Variants in RABGAP1 observed in about 807,000 individuals in gnomAD.
RABGAP1 encodes RAB GTPase activating protein 1.
In RABGAP1, 23 loss-of-function variants were observed where a neutral mutation model predicts 137.6. The observed-to-expected ratio is 0.17, with a 90% confidence interval of 0.12 to 0.24. The LOEUF is 0.24. RABGAP1 is among the 10% of genes least tolerant of loss of function. The pLI is 1.00. For synonymous variants in RABGAP1, 451 were observed against 450.7 expected (o/e 1.00, Z -0.01); for missense variants, 906 against 1,275.8 (o/e 0.71, Z 4.42).
intron 13 of RABGAP1, among the ~76,000 whole-genome samples, chr9:123,023,655 C>T (rs554681388): frequency 1.1e-4 from 16 of 152,160 alleles, no homozygotes; most frequent in African/African-American, 1.9e-4. Context: ...AAAATATATT[C>T]GGCTATTACA....
intron 10 of RABGAP1, among the ~76,000 whole-genome samples, chr9:123,004,294 G>A (rs1302554171): frequency 2.0e-5 from 3 of 151,980 alleles, no homozygotes; most frequent in African/African-American, 7.2e-5. Context: ...TCTCAACAAC[G>A]TCTTTTTTGT....
chr9:123,080,761 A>T, intron 19 of RABGAP1, among the ~76,000 whole-genome samples: 1 of 152,066 alleles, frequency 6.6e-6, no homozygotes. Context: ...GAACTTTTTC[A>T]TGTGGAATTT....
intron 16 of RABGAP1, 73 bp downstream of exon 16, chr9:123,073,750 G>A (rs781249406): frequency 4.0e-4 from 633 of 1,586,056 alleles, no homozygotes; most frequent in South Asian, 9.5e-4. Context: ...AGGAAATGGT[G>A]CCAGGGAGCA....
chr9:122,993,825 G>C (rs1836873345), intron 6 of RABGAP1, among the ~76,000 whole-genome samples: 1 of 151,856 alleles, frequency 6.6e-6, no homozygotes, highest in Admixed American at 6.6e-5. Flanking sequence ...TGCCACGCCC[G>C]GCTAATTTTT....
At chr9:123,018,973 T>C (rs552700081) in intron 12 of RABGAP1, among the ~76,000 whole-genome samples, 3 of 152,340 alleles carry the variant, frequency 2.0e-5, no homozygotes, top group African/African-American at 7.2e-5. Context: ...ATTTGAGGAC[T>C]ACCTCAGTCA....
chr9:123,018,985 T>C (rs554881904), intron 12 of RABGAP1, among the ~76,000 whole-genome samples: 21 of 152,322 alleles, frequency 1.4e-4, no homozygotes, highest in Non-Finnish European at 2.8e-4. Flanking sequence ...CCTCAGTCAT[T>C]TAATTGACTT....
chr9:123,100,420 TGTGTGTGTGTGTG>T (rs2035309873), intron 24 of RABGAP1, among the ~76,000 whole-genome samples: 1 of 151,034 alleles, frequency 6.6e-6, no homozygotes, highest in South Asian at 2.1e-4. Flanking sequence ...TGTGTGTGTG[TGTGTGTGTGTGTG>T]TGTGTTTGAG....
intron 9 of RABGAP1, 123 bp downstream of exon 9, chr9:122,997,484 A>C: frequency 1.7e-6 from 1 of 575,312 alleles, no homozygotes. Context: ...GAAGAATTTG[A>C]ATAGTTCTTC....
chr9:122,990,536 G>A (rs1836613729), intron 6 of RABGAP1: 1 of 162,662 alleles, frequency 6.1e-6, no homozygotes, highest in South Asian at 1.5e-4. Context: ...TTGGGTGGCT[G>A]AGGCGGACGG....
At chr9:123,003,540 TTC>T (rs549449376) in intron 10 of RABGAP1, among the ~76,000 whole-genome samples, 74 of 152,222 alleles carry the variant, frequency 4.9e-4, no homozygotes, top group Non-Finnish European at 1.0e-3. Context: ...CATACAGCAT[TTC>T]TGTTTTTTGC....
At chr9:122,984,756 A>T (rs762906062) in intron 3 of RABGAP1, 37 bp downstream of exon 3, 4 of 1,569,230 alleles carry the variant, frequency 2.5e-6, no homozygotes, top group Middle Eastern at 1.7e-4. Flanking sequence ...ACTGAAGGTT[A>T]TTGTTTTTAA....
At chr9:123,027,696 A>T (rs1267133442) in intron 13 of RABGAP1, among the ~76,000 whole-genome samples, 1 of 152,170 alleles carries the variant, frequency 6.6e-6, no homozygotes, top group Non-Finnish European at 1.5e-5. Flanking sequence ...CTGCCGCTTC[A>T]TTTCCTCTTC....
chr9:123,056,653 G>A (rs566147941), intron 13 of RABGAP1, among the ~76,000 whole-genome samples: 4 of 151,682 alleles, frequency 2.6e-5, no homozygotes, highest in Non-Finnish European at 5.9e-5. Context: ...GTGTCCCTGG[G>A]TACTTGAGAT....
intron 3 of RABGAP1, among the ~76,000 whole-genome samples, chr9:122,985,501 A>G (rs995098062): frequency 3.3e-5 from 5 of 151,528 alleles, no homozygotes; most frequent in Admixed American, 1.3e-4. Context: ...AGTCACAGCT[A>G]CTTGGGAGGC....
In RABGAP1 at chr9:123,020,414, T is replaced by C; in HGVS notation, c.1749T>C (p.His583=). 6.2e-7 allele frequency: 1 copy of C among 1,607,096 alleles called. No individual in the cohort carries two copies. Residue 583 remains histidine, a synonymous_variant, in exon 13 of 26, where the codon CAT becomes CAC. Coordinates refer to ENST00000373647, the MANE Select transcript of RABGAP1 (RefSeq NM_012197.4). ...GEVWQLLAGC[H]NNDHLVEKYR... ...TCTGGCAGCTGCTAGCAGGCTGTCA[T>C]AACAATGACCACCTGGTAGAGAAAT...
At chr9:123,091,846 G>GATA (rs2035041052) in intron 21 of RABGAP1, among the ~76,000 whole-genome samples, 1 of 152,012 alleles carries the variant, frequency 6.6e-6, no homozygotes, top group Non-Finnish European at 1.5e-5. Context: ...CCTCCTTACG[G>GATA]TGCAAATTCC....
chr9:123,058,050 A>AGGGGAGG (rs1554725446), intron 13 of RABGAP1, among the ~76,000 whole-genome samples: 6 of 136,838 alleles, frequency 4.4e-5, no homozygotes, highest in Non-Finnish European at 8.0e-5. Flanking sequence ...GTGGAAAGAG[A>AGGGGAGG]GGGGAGAGGG....
intron 13 of RABGAP1, among the ~76,000 whole-genome samples, chr9:123,046,486 G>A (rs911296273): frequency 6.6e-6 from 1 of 152,216 alleles, no homozygotes; most frequent in Non-Finnish European, 1.5e-5. Flanking sequence ...ACAGACCTGG[G>A]TTTGAATCCT....
chr9:123,061,607 T>G (rs903489152), intron 13 of RABGAP1, among the ~76,000 whole-genome samples: 13 of 152,232 alleles, frequency 8.5e-5, no homozygotes, highest in African/African-American at 2.7e-4. Flanking sequence ...CCTATTGCAT[T>G]TTTGTTTTCT....
Sources: allele counts gnomAD v4.1 joint callset (sites outside exome capture counted in the v4.1 genomes callset), GRCh38; gene constraint gnomAD v4.1.1; transcripts MANE v1.5; gene names NCBI Gene and HGNC (gene_info 2026-07-23, HGNC 2026-07-21).